Variants in PXK observed in about 807,000 individuals in gnomAD.
PXK encodes PX domain containing serine/threonine kinase like.
Under a neutral mutation model 84.7 loss-of-function variants are expected in PXK, and 35 were observed. The observed-to-expected ratio is 0.41, with a 90% CI of 0.32 to 0.55. The LOEUF is 0.55. Ranked by LOEUF, PXK falls within the 20% of genes least tolerant of loss-of-function variation. PXK has a pLI of 0.21. For synonymous variants in PXK, 253 were observed against 260.8 expected (o/e 0.97, Z 0.29); for missense variants, 634 against 699.7 (o/e 0.91, Z 1.06).
chr3:58,353,867 G>T (rs2098001613), intron 1 of PXK, among the ~76,000 whole-genome samples: 1 of 152,234 alleles, frequency 6.6e-6, no homozygotes, highest in Non-Finnish European at 1.5e-5. Flanking sequence ...TCAGGTGGTA[G>T]AAGAATTTGG....
At chr3:58,340,239 C>T (rs1422001323) in intron 1 of PXK, among the ~76,000 whole-genome samples, 5 of 151,684 alleles carry the variant, frequency 3.3e-5, no homozygotes, top group African/African-American at 9.7e-5. Flanking sequence ...CCTTCTGCCT[C>T]AGCCTCCTGA....
rs1258277423 is a variant in PXK, at chr3:58,411,837, T to C, written c.1466-1064T>C. On this transcript the variant is annotated intron_variant, in intron 16 of 17. Coordinates refer to ENST00000356151, the MANE Select transcript of PXK (RefSeq NM_017771.5). The surrounding 1 kb of genome is among the most constrained non-coding windows in gnomAD (Gnocchi z 4.2). ...CAGTATAAAGACAGCATGCATTGAGTTTTACCTCCTTTTTCAGTAAAACAC... is the reference window on the plus strand; with the variant it reads ...CAGTATAAAGACAGCATGCATTGAGCTTTACCTCCTTTTTCAGTAAAACAC... 6.6e-6 allele frequency among the ~76,000 whole-genome samples: 1 copy of C among 152,032 alleles called. No individual in the cohort carries two copies. Among genetic ancestry groups the C allele is most frequent in the Non-Finnish European group, 1.5e-5 (1 of 68,000 alleles).
chr3:58,356,542 G>C (rs2098084226), intron 1 of PXK, among the ~76,000 whole-genome samples: 1 of 152,062 alleles, frequency 6.6e-6, no homozygotes, highest in African/African-American at 2.4e-5. Context: ...GGTCTCCAGG[G>C]CTCTCTTCTC....
At chr3:58,374,664 A>G (rs980383957) in intron 3 of PXK, among the ~76,000 whole-genome samples, 9 of 152,164 alleles carry the variant, frequency 5.9e-5, no homozygotes, top group African/African-American at 2.2e-4. Flanking sequence ...TGTCTAGGAA[A>G]TCAGTGGCTT....
At position 58,397,783 on chromosome 3, in the gene PXK, C is replaced by G. The variant is rs1340758358; in HGVS notation, c.1102+61C>G. 1 of 1,357,610 alleles carries G rather than the reference C, an allele frequency of 7.4e-7. No homozygotes were observed. The highest frequency in any genetic ancestry group is 1.4e-5 in the African/African-American group (1 of 69,706). The allele number at this position is 1,357,610 out of a possible 1,614,324, so 84.1% of individuals were successfully genotyped here. On this transcript the variant is annotated intron_variant, in intron 11 of 17. Coordinates refer to ENST00000356151, the MANE Select transcript of PXK (RefSeq NM_017771.5). The surrounding 1 kb of genome is among the most constrained non-coding windows in gnomAD (Gnocchi z 4.7). The stretch of plus-strand genomic sequence containing the variant: ...AGTAGTGTGCAGAGCCACTCATCCC[C>G]TTTCCAGAGTCCAGGAAAGACCCAG...
At chr3:58,380,957 G>A (rs1441806356) in intron 3 of PXK, among the ~76,000 whole-genome samples, 5 of 151,694 alleles carry the variant, frequency 3.3e-5, no homozygotes, top group African/African-American at 7.3e-5. Flanking sequence ...CCTTTTTAAC[G>A]CCAACAGAGG....
intron 3 of PXK, among the ~76,000 whole-genome samples, chr3:58,377,717 G>A (rs1221892901): frequency 6.6e-6 from 1 of 151,924 alleles, no homozygotes; most frequent in Non-Finnish European, 1.5e-5. Flanking sequence ...AATCAGTCTA[G>A]AATAATAGTG....
intron 3 of PXK, among the ~76,000 whole-genome samples, chr3:58,372,878 A>G (rs1362284851): frequency 1.3e-5 from 2 of 152,076 alleles, no homozygotes; most frequent in African/African-American, 2.4e-5. Context: ...TGTGGAAACA[A>G]TGAAGAAAAA....
intron 1 of PXK, among the ~76,000 whole-genome samples, chr3:58,347,936 C>A (rs1441107240): frequency 1.3e-5 from 2 of 152,102 alleles, no homozygotes; most frequent in Non-Finnish European, 2.9e-5. Context: ...TTTTTTGAGA[C>A]TGAGTCTCAC....
In PXK at chr3:58,409,869, C is replaced by T. The variant is rs535845684; in HGVS notation, c.1396-221C>T. On this transcript the variant is annotated intron_variant, in intron 15 of 17. Transcript: ENST00000356151. This position sits in a 1 kb window ranked among gnomAD's most constrained non-coding sequence, Gnocchi z 4.2. ...TATGGCGTAATGTAATTGGAGGAAA[C>T]GATTGGCCTGAGATAGTAAAGTCAG... Among the ~76,000 whole-genome samples, 2 of 152,052 alleles carry T rather than the reference C, an allele frequency of 1.3e-5. No homozygotes were observed. The highest frequency in any genetic ancestry group is 2.9e-5 in the Non-Finnish European group (2 of 68,016).
Position 58,425,167 on chromosome 3 carries a change from T to C in PXK, c.*207T>C, listed in dbSNP as rs1560174135. The stretch of plus-strand genomic sequence containing the variant: ...AGGCTGGCATTGCTCCCTTAAGATC[T>C]TGCTCCTTTATTAACCCTGTAAAGG... On this transcript the variant is annotated 3_prime_UTR_variant, in exon 18 of 18. Coordinates refer to ENST00000356151, the MANE Select transcript of PXK (RefSeq NM_017771.5). The C allele has an allele frequency of 9.6e-6, 7 of 732,586 alleles. No individual in the cohort carries two copies. In the East Asian group the frequency reaches 2.1e-4, roughly 22 times the overall value. The allele number at this position is 732,586 out of a possible 1,614,324, so 45.4% of individuals were successfully genotyped here. A position where few individuals can be genotyped will look rare whatever the true frequency, so the allele number is the denominator to read the frequency against.
chr3:58,422,505 A>G (rs2062048224), intron 17 of PXK: 1 of 985,218 alleles, frequency 1.0e-6, no homozygotes, highest in Non-Finnish European at 1.2e-6. Context: ...CAGTGTATTT[A>G]TTGACACCAC....
Position 58,390,644 on chromosome 3 carries a change from C to A in PXK, c.451C>A (p.Pro151Thr). The A allele has an allele frequency of 6.2e-7, 1 of 1,611,888 alleles. No individual in the cohort carries two copies. The highest frequency in any genetic ancestry group is 8.5e-7 in the Non-Finnish European group (1 of 1,178,682). Reference sequence around the variant, plus strand: ...AGAACCAAAGTGGGAGGTGGTGGAACCTTTGAAAGACATAGGTGAGACATT... The same window carrying A: ...AGAACCAAAGTGGGAGGTGGTGGAAACTTTGAAAGACATAGGTGAGACATT... ...RSEPKWEVVE[P>T]LKDIGWRIRK... The change falls in exon 5 of 18, where the codon CCT becomes ACT. Residue 151 changes from proline (P) to threonine (T), a missense_variant. By Grantham distance (38) the Pro-to-Thr change is conservative. This residue lies in a region of PXK where 353 missense variants were observed against 385.2 expected (regional missense o/e 0.92). Coordinates refer to ENST00000356151, the MANE Select transcript of PXK (RefSeq NM_017771.5). This position sits in a 1 kb window ranked among gnomAD's most constrained non-coding sequence, Gnocchi z 4.2.
chr3:58,423,577 G>A (rs2062298663), intron 17 of PXK: 1 of 1,394,612 alleles, frequency 7.2e-7, no homozygotes, highest in African/African-American at 1.4e-5. Flanking sequence ...TATTGTGTTG[G>A]TGATTCTGAG....
chr3:58,376,904 T>C (rs2098448077), intron 3 of PXK, among the ~76,000 whole-genome samples: 1 of 152,192 alleles, frequency 6.6e-6, no homozygotes, highest in African/African-American at 2.4e-5. Flanking sequence ...TCTCCCAAAG[T>C]GCTGGGATTA....
At position 58,412,320 on chromosome 3, in the gene PXK, A is replaced by G. The variant is rs558048322; in HGVS notation, c.1466-581A>G. Among the ~76,000 whole-genome samples the G allele has an allele frequency of 6.6e-6, 1 of 152,154 alleles. No homozygotes were observed. The highest frequency in any genetic ancestry group is 1.5e-5 in the Non-Finnish European group (1 of 68,026). On this transcript the variant is annotated intron_variant, in intron 16 of 17. Coordinates refer to ENST00000356151, the MANE Select transcript of PXK (RefSeq NM_017771.5). This position sits in a 1 kb window ranked among gnomAD's most constrained non-coding sequence, Gnocchi z 6.2. Reference sequence around the variant, plus strand: ...ACTAGATCCAGAAAAAGCATGCAACAGGTGGGATTCACATTGTTTTAATGT... The same window carrying G: ...ACTAGATCCAGAAAAAGCATGCAACGGGTGGGATTCACATTGTTTTAATGT...
intron 17 of PXK, among the ~76,000 whole-genome samples, chr3:58,424,237 C>T (rs1245769013): frequency 6.6e-6 from 1 of 152,198 alleles, no homozygotes; most frequent in East Asian, 1.9e-4. Context: ...AGTGGTCTGT[C>T]ATTTTACATA....
At chr3:58,395,904 AAGT>A in intron 9 of PXK, 145 bp downstream of exon 9, 1 of 631,276 alleles carries the variant, frequency 1.6e-6, no homozygotes, top group Non-Finnish European at 2.6e-6. Context: ...TTGCCTCAAA[AAGT>A]AAATATTTGA....
intron 17 of PXK, among the ~76,000 whole-genome samples, chr3:58,415,520 C>T (rs2060822610): frequency 6.6e-6 from 1 of 152,258 alleles, no homozygotes; most frequent in Non-Finnish European, 1.5e-5. Flanking sequence ...GGCACATCAC[C>T]CTTCAGGAAC....
Sources: allele counts gnomAD v4.1 joint callset (sites outside exome capture counted in the v4.1 genomes callset), GRCh38; gene constraint gnomAD v4.1.1; regional missense constraint gnomAD v4.1.1; non-coding constraint Gnocchi (gnomAD v3.1); transcripts MANE v1.5; gene names NCBI Gene and HGNC (gene_info 2026-07-23, HGNC 2026-07-21).